Variants in PKHD1 observed in about 807,000 individuals in gnomAD.
PKHD1 encodes the protein fibrocystin.
Under a neutral mutation model 412.0 loss-of-function variants are expected in PKHD1, and 291 were observed. That is an observed-to-expected ratio of 0.71 (90% CI 0.64 to 0.78). The LOEUF (loss-of-function observed/expected upper bound fraction) is 0.78, where lower values mean the gene tolerates loss of function less well. Among genes scored for constraint, PKHD1 ranks in the 30% least tolerant of loss-of-function variants. PKHD1 has a pLI of 0.00. For synonymous variants in PKHD1, 1,777 were observed against 1,821.5 expected, an observed-to-expected ratio of 0.98 and a Z score of 0.62; for missense variants, 4,825 against 4,950.7, an observed-to-expected ratio of 0.97 and a Z score of 0.76.
chr6:51,785,556 G>A (rs1330315326), intron 53 of PKHD1, among the ~76,000 whole-genome samples: 2 of 152,202 alleles, frequency 1.3e-5, no homozygotes, highest in African/African-American at 4.8e-5. Context: ...ACAAAAAGCT[G>A]GAATAAGATG....
At chr6:51,951,947 A>G (rs1280059655) in intron 36 of PKHD1, among the ~76,000 whole-genome samples, 1 of 152,210 alleles carries the variant, frequency 6.6e-6, no homozygotes, top group African/African-American at 2.4e-5. Flanking sequence ...TTTATCTTTC[A>G]TTACTGAAAA....
chr6:51,655,369 G>A (rs1386556518), intron 61 of PKHD1, among the ~76,000 whole-genome samples: 1 of 152,096 alleles, frequency 6.6e-6, no homozygotes, highest in Non-Finnish European at 1.5e-5. Flanking sequence ...TTGTATAATT[G>A]ATTGGCTTTC....
chr6:51,912,220 C>CT, intron 38 of PKHD1, 146 bp downstream of exon 38: 1 of 721,700 alleles, frequency 1.4e-6, no homozygotes. Context: ...ACATTTCATG[C>CT]TTTTTAATTT....
intron 60 of PKHD1, among the ~76,000 whole-genome samples, chr6:51,677,450 G>A (rs1237386122): frequency 6.6e-6 from 1 of 152,122 alleles, no homozygotes; most frequent in Admixed American, 6.6e-5. Context: ...TGCTGTATGA[G>A]GAATATATGC....
chr6:51,807,452 AAAAAAAATAT>A (rs1226495336), intron 52 of PKHD1, among the ~76,000 whole-genome samples: 20,029 of 81,972 alleles, frequency 0.24, 2,838 homozygotes, highest in East Asian at 0.53. Context: ...AAAAAAAAAA[AAAAAAAATAT>A]ATATATATAT....
intron 49 of PKHD1, among the ~76,000 whole-genome samples, chr6:51,851,491 C>T (rs889950207): frequency 6.6e-6 from 1 of 152,152 alleles, no homozygotes; most frequent in African/African-American, 2.4e-5. Flanking sequence ...CCTCTTTGTA[C>T]CTCTGGTAGA....
At chr6:51,950,218 A>ATATATATAT (rs1224067905) in intron 36 of PKHD1, among the ~76,000 whole-genome samples, 18 of 40,926 alleles carry the variant, frequency 4.4e-4, no homozygotes, top group East Asian at 5.3e-3. Context: ...GAGAAAAAAA[A>ATATATATAT]AAATATATAT....
At chr6:51,648,148 G>A (rs1581826378) in intron 62 of PKHD1, 30 bp from the exon 63 acceptor site, 2 of 1,233,556 alleles carry the variant, frequency 1.6e-6, no homozygotes, top group Non-Finnish European at 2.4e-6. Flanking sequence ...GAGGGAGGAA[G>A]AAAAAGTTGG....
chr6:51,942,481 C>G (rs1330298059), intron 36 of PKHD1, among the ~76,000 whole-genome samples: 1 of 151,706 alleles, frequency 6.6e-6, no homozygotes, highest in Admixed American at 6.6e-5. Flanking sequence ...GACACATATA[C>G]TTTCTGCTCC....
Position 51,775,809 on chromosome 6 carries a change from A to G in PKHD1, c.8553T>C (p.Ile2851=), listed in dbSNP as rs1330619318. The change falls in exon 54 of 67, where the codon ATT becomes ATC. Residue 2851 remains isoleucine, a splice_region_variant and synonymous_variant. Coordinates refer to ENST00000371117, the MANE Select transcript of PKHD1 (RefSeq NM_138694.4). Reference sequence around the variant, plus strand: ...ATAAAAACTATATTATACTCTTACCAATTGTTCCTGGGTCAATATGAATTC... The same window carrying G: ...ATAAAAACTATATTATACTCTTACCGATTGTTCCTGGGTCAATATGAATTC... The part of the protein sequence containing the change: ...MNGIHIDPGT[I]GVYGKVHLYS... 2.2e-6 allele frequency: 3 copies of G among 1,371,312 alleles called. No individual in the cohort carries two copies. The highest frequency in any genetic ancestry group is 3.1e-6 in the Non-Finnish European group (3 of 960,638). 84.9% of individuals were successfully genotyped at this position (1,371,312 alleles called of 1,614,324 possible). A position where few individuals can be genotyped will look rare whatever the true frequency, so the allele number is the denominator to read the frequency against.
chr6:52,005,485 G>T (rs1355861655), intron 35 of PKHD1, among the ~76,000 whole-genome samples: 1 of 152,114 alleles, frequency 6.6e-6, no homozygotes, highest in African/African-American at 2.4e-5. Context: ...GCGCATGCTG[G>T]TTCCCCCACC....
Position 51,753,204 on chromosome 6 carries a change from A to T in PKHD1, c.8947T>A (p.Ser2983Thr), listed in dbSNP as rs753482168. The change falls in exon 57 of 67, where the codon TCA (serine) becomes ACA (threonine). Residue 2983 changes from serine (S) to threonine (T), a missense_variant. Coordinates refer to ENST00000371117, the MANE Select transcript of PKHD1 (RefSeq NM_138694.4). ...SFRKSSREEFSGVLQLLNVEI... is the reference protein window; with the variant it reads ...SFRKSSREEFTGVLQLLNVEI... ...AATTACTTAAAATTTCATTTACCTG[A>T]AAATTCTTCTCGGCTGGACTTCCTG... 3 of 1,613,620 alleles carry T rather than the reference A, an allele frequency of 1.9e-6. No individual in the cohort carries two copies. Among genetic ancestry groups the T allele is most frequent in the Non-Finnish European group, 2.5e-6 (3 of 1,179,610 alleles).
chr6:51,809,366 A>C (rs1482029147), intron 52 of PKHD1, among the ~76,000 whole-genome samples: 1 of 151,994 alleles, frequency 6.6e-6, no homozygotes, highest in Non-Finnish European at 1.5e-5. Flanking sequence ...ACATTCTTTT[A>C]TATCCATGGG....
At chr6:51,755,369 T>C (rs1206376002) in intron 55 of PKHD1, among the ~76,000 whole-genome samples, 1 of 152,154 alleles carries the variant, frequency 6.6e-6, no homozygotes, top group Non-Finnish European at 1.5e-5. Flanking sequence ...GGACAACTTT[T>C]CATCATGTGT....
chr6:51,676,631 A>C (rs1775900348), intron 60 of PKHD1, among the ~76,000 whole-genome samples: 1 of 152,166 alleles, frequency 6.6e-6, no homozygotes. Flanking sequence ...AACAAATATA[A>C]ATGGTCCCAG....
At chr6:51,782,111 T>C (rs1329290766) in intron 53 of PKHD1, among the ~76,000 whole-genome samples, 1 of 151,922 alleles carries the variant, frequency 6.6e-6, no homozygotes, top group Non-Finnish European at 1.5e-5. Flanking sequence ...TACTGTTATA[T>C]GGATTCATGA....
intron 48 of PKHD1, among the ~76,000 whole-genome samples, chr6:51,867,539 T>G (rs1331061939): frequency 2.0e-5 from 3 of 152,170 alleles, no homozygotes; most frequent in Non-Finnish European, 4.4e-5. Flanking sequence ...AATTTTTTAA[T>G]AATACTTTTA....
At chr6:51,722,709 C>A (rs1008529362) in intron 60 of PKHD1, among the ~76,000 whole-genome samples, 1 of 152,104 alleles carries the variant, frequency 6.6e-6, no homozygotes, top group African/African-American at 2.4e-5. Flanking sequence ...ATCTTTCCTG[C>A]CCTCCAGGAG....
At chr6:52,034,919 T>C (rs1803692807) in intron 28 of PKHD1, among the ~76,000 whole-genome samples, 1 of 152,166 alleles carries the variant, frequency 6.6e-6, no homozygotes, top group Non-Finnish European at 1.5e-5. Context: ...GATCTTTATT[T>C]TGGGGTCATG....
Sources: gnomAD v4.1 joint callset for allele counts (sites outside exome capture counted in the v4.1 genomes callset) on GRCh38, gnomAD v4.1.1 for gene constraint, MANE v1.5 for transcripts, NCBI Gene and HGNC (gene_info 2026-07-23, HGNC 2026-07-21) for gene names.